The following PBX4 variants were observed in gnomAD, a reference collection of about 807,000 sequenced individuals.
PBX4 encodes PBX homeobox 4.
PBX4 carries 26 observed loss-of-function variants against 35.1 expected under a neutral mutation model. The observed-to-expected ratio is 0.74, with a 90% CI of 0.54 to 1.03. The LOEUF (loss-of-function observed/expected upper bound fraction) is 1.03, where lower values mean the gene tolerates loss of function less well. PBX4 is among the 50% of genes least tolerant of loss of function. The pLI is 0.00. For missense variants in PBX4, 448 were observed against 504.3 expected (o/e 0.89, Z 1.07); for synonymous variants, 199 against 204.2 (o/e 0.97, Z 0.22).
chr19:19,591,357 G>A (rs776389040), intron 2 of PBX4, among the ~76,000 whole-genome samples: 6 of 152,216 alleles, frequency 3.9e-5, no homozygotes, highest in Non-Finnish European at 7.3e-5. Context: ...ACCAGCTGAC[G>A]AGGAAGGGAA....
At position 19,618,557 on chromosome 19, in the gene PBX4, G is replaced by A. The variant is rs2061700341; in HGVS notation, c.73C>T (p.Gln25Ter). Residue 25 changes from glutamine to a stop codon, truncating the protein, a stop_gained, in exon 1 of 8, where the codon CAG becomes TAG. Coordinates refer to ENST00000251203, the MANE Select transcript of PBX4 (RefSeq NM_025245.3). LOFTEE classifies it high-confidence loss of function. ...CTCTGGTCGGTGATGGCCATGATCT[G>A]CTGCAGGACGTCGCTCGTGTCGAGG... The part of the protein sequence containing the change: ...RRLDTSDVLQ[Q>*]IMAITDQSLD... 7.1e-7 allele frequency: 1 copy of A among 1,407,328 alleles called. No homozygotes were observed. The highest frequency in any genetic ancestry group is 9.3e-7 in the Non-Finnish European group (1 of 1,074,006). 87.2% of individuals were successfully genotyped at this position (1,407,328 alleles called of 1,614,324 possible).
At chr19:19,617,931 C>G (rs1294412573) in intron 1 of PBX4, among the ~76,000 whole-genome samples, 5 of 151,990 alleles carry the variant, frequency 3.3e-5, no homozygotes, top group African/African-American at 4.8e-5. Context: ...TTAGGGAGGC[C>G]GAGACGGAAT....
intron 2 of PBX4, 102 bp from the exon 3 acceptor site, chr19:19,570,935 A>C: frequency 2.0e-6 from 3 of 1,475,672 alleles, no homozygotes; most frequent in Non-Finnish European, 2.8e-6. Flanking sequence ...ATTTTTGCAT[A>C]GAACCCTTCG....
chr19:19,596,112 C>T (rs1045761775), intron 2 of PBX4, among the ~76,000 whole-genome samples: 2 of 151,926 alleles, frequency 1.3e-5, no homozygotes, highest in African/African-American at 4.8e-5. Context: ...TAAAAATAAG[C>T]TGGGTGCGGT....
At chr19:19,583,567 C>A (rs544911320) in intron 2 of PBX4, among the ~76,000 whole-genome samples, 1 of 151,268 alleles carries the variant, frequency 6.6e-6, no homozygotes, top group Non-Finnish European at 1.5e-5. Flanking sequence ...GAGCTGACTG[C>A]GCCACTGCAC....
At position 19,596,588 on chromosome 19, in the gene PBX4, T is replaced by C. The variant is rs1017525665; in HGVS notation, c.193+2704A>G. On this transcript the variant is annotated intron_variant, in intron 2 of 7. Transcript: ENST00000251203. ...GCAATGAGCACATCAAAGGCCAAGA[T>C]TTACTCTGAAAGGAATCAGGGCTCC... Among the ~76,000 whole-genome samples, 5 of 152,048 alleles carry C rather than the reference T, an allele frequency of 3.3e-5. No homozygotes were observed. The South Asian group carries it at 1.0e-3, about 32-fold the overall frequency.
chr19:19,582,233 G>A (rs1164871837), intron 2 of PBX4, among the ~76,000 whole-genome samples: 2 of 152,148 alleles, frequency 1.3e-5, no homozygotes, highest in Non-Finnish European at 2.9e-5. Context: ...GAGAAGGGCG[G>A]GGTCCCTGGC....
At chr19:19,617,004 T>C (rs1420103506) in intron 1 of PBX4, among the ~76,000 whole-genome samples, 1 of 151,970 alleles carries the variant, frequency 6.6e-6, no homozygotes, top group African/African-American at 2.4e-5. Context: ...TAAACTCAAC[T>C]CTTTCCCTCC....
At chr19:19,605,969 A>C (rs1197492375) in intron 1 of PBX4, among the ~76,000 whole-genome samples, 1 of 152,056 alleles carries the variant, frequency 6.6e-6, no homozygotes, top group African/African-American at 2.4e-5. Context: ...TGAAAAGAAA[A>C]CAAGTTCCCA....
At chr19:19,595,899 G>C (rs2061557729) in intron 2 of PBX4, among the ~76,000 whole-genome samples, 1 of 152,196 alleles carries the variant, frequency 6.6e-6, no homozygotes. Flanking sequence ...CCTGGGAAGA[G>C]AGAAAAATAG....
Position 19,618,657 on chromosome 19 carries a change from AG to A in PBX4, c.-29del, listed in dbSNP as rs1202186623. On this transcript the variant is annotated 5_prime_UTR_variant, in exon 1 of 8. Transcript: ENST00000251203. ...GCGGCAGGGCCGGGCGGGCGCTGTG[AG>A]GGTGCCGTCGAGCCTGGAGCACTAC... 8.3e-7 allele frequency: 1 copy of A among 1,199,466 alleles called. No homozygotes were observed. The highest frequency in any genetic ancestry group is 1.0e-6 in the Non-Finnish European group (1 of 967,112). 74.3% of individuals were successfully genotyped at this position (1,199,466 alleles called of 1,614,324 possible). A position where few individuals can be genotyped will look rare whatever the true frequency, so the allele number is the denominator to read the frequency against.
chr19:19,601,290 G>C (rs2144774641), intron 1 of PBX4, among the ~76,000 whole-genome samples: 1 of 152,340 alleles, frequency 6.6e-6, no homozygotes, highest in East Asian at 1.9e-4. Flanking sequence ...CAAAGGCCCT[G>C]TGAGAACACA....
chr19:19,573,704 A>G (rs1042558472), intron 2 of PBX4, among the ~76,000 whole-genome samples: 3 of 152,050 alleles, frequency 2.0e-5, no homozygotes, highest in African/African-American at 7.2e-5. Context: ...ACCATAAAAT[A>G]AAGCCGCCAG....
chr19:19,570,855 AAG>A (rs760559734), intron 2 of PBX4, 22 bp from the exon 3 acceptor site: 1 of 1,605,316 alleles, frequency 6.2e-7, no homozygotes. Context: ...AGACCGGGAC[AAG>A]TCACAATTCA....
At chr19:19,576,374 C>T (rs994436904) in intron 2 of PBX4, among the ~76,000 whole-genome samples, 6 of 152,012 alleles carry the variant, frequency 3.9e-5, no homozygotes, top group Non-Finnish European at 7.4e-5. Flanking sequence ...TACAGGCACA[C>T]GCCACCATGC....
chr19:19,576,288 C>T (rs1214563581), intron 2 of PBX4, among the ~76,000 whole-genome samples: 3 of 152,110 alleles, frequency 2.0e-5, no homozygotes, highest in East Asian at 3.9e-4. Context: ...TGCAGTGGCA[C>T]GATCTCGGCT....
intron 2 of PBX4, among the ~76,000 whole-genome samples, 167 bp downstream of exon 2, chr19:19,599,125 C>T (rs912116473): frequency 2.6e-5 from 4 of 152,104 alleles, no homozygotes; most frequent in East Asian, 3.9e-4. Context: ...TGCGTCACCA[C>T]GCCTGGCTAA....
In PBX4 at chr19:19,570,231, G is replaced by A. The variant is rs765980884; in HGVS notation, c.510C>T (p.Ser170=). 6.2e-7 allele frequency: 1 copy of A among 1,614,082 alleles called. No homozygotes were observed. Among genetic ancestry groups the A allele is most frequent in the Non-Finnish European group, 8.5e-7 (1 of 1,180,008 alleles). ...LQEQSRMRPV[S]PKEIERMVGA... Reference sequence around the variant, plus strand: ...CGACCATGCGCTCAATCTCCTTAGGGGAGACAGGCCTCATCCTGCTCTGCT... The same window carrying A: ...CGACCATGCGCTCAATCTCCTTAGGAGAGACAGGCCTCATCCTGCTCTGCT... Residue 170 remains serine, a synonymous_variant, in exon 4 of 8, where the codon TCC becomes TCT. Transcript: ENST00000251203.
In PBX4 at chr19:19,618,619, G is replaced by C; in HGVS notation, c.11C>G (p.Pro4Arg). MAA[P>R]PRPAPSPPAP... ...GGGGGGCGATGGCGCGGGGCGCGGC[G>C]GGGCGGCCATGAGCGGCAGGGCCGG... Residue 4 changes from proline to arginine, a missense_variant, in exon 1 of 8, where the codon CCG (proline) becomes CGG (arginine). By Grantham distance (103) the Pro-to-Arg change is moderately radical (BLOSUM62 -2). Transcript: ENST00000251203. 2 of 1,252,270 alleles carry C rather than the reference G, an allele frequency of 1.6e-6. No individual in the cohort carries two copies. The highest frequency in any genetic ancestry group is 2.0e-6 in the Non-Finnish European group (2 of 996,986). The allele number at this position is 1,252,270 out of a possible 1,614,324, so 77.6% of individuals were successfully genotyped here. A position where few individuals can be genotyped will look rare whatever the true frequency, so the allele number is the denominator to read the frequency against.
Sources: allele counts gnomAD v4.1 joint callset (sites outside exome capture counted in the v4.1 genomes callset), GRCh38; gene constraint gnomAD v4.1.1; transcripts MANE v1.5; gene names NCBI Gene and HGNC (gene_info 2026-07-23, HGNC 2026-07-21).